Variants in MAGT1 observed in about 807,000 individuals in gnomAD.
MAGT1 encodes the protein dolichyl-diphosphooligosaccharide--protein glycosyltransferase subunit MAGT1.
Under a neutral mutation model 28.4 loss-of-function variants are expected in MAGT1, and 4 were observed. The observed-to-expected ratio is 0.14, with a 90% confidence interval of 0.07 to 0.32. The LOEUF is 0.32. Among genes scored for constraint, MAGT1 ranks in the 10% least tolerant of loss-of-function variants. The pLI is 1.00. For synonymous variants in MAGT1, 89 were observed against 89.7 expected, an observed-to-expected ratio of 0.99 and a Z score of 0.04; for missense variants, 193 against 264.5, an observed-to-expected ratio of 0.73 and a Z score of 1.88.
rs781917135 is a variant in MAGT1, at chrX:77,829,192, C to T, written c.*28G>A. On this transcript the variant is annotated 3_prime_UTR_variant, in exon 10 of 10. Transcript: ENST00000618282. ...TTTTCGTTTTTCAATTTCCAGTACT[C>T]CAGTGTCTATATATCTCTGGGACCT... 8.5e-6 allele frequency: 10 copies of T among 1,182,222 alleles called. No individual in the cohort carries two copies. Among genetic ancestry groups the T allele is most frequent in the South Asian group, 7.2e-5 (4 of 55,811 alleles).
At chrX:77,874,295 T>TA (rs1339498262) in intron 2 of MAGT1, among the ~76,000 whole-genome samples, 141 of 95,392 alleles carry the variant, frequency 1.5e-3, no homozygotes, top group East Asian at 1.8e-3. Flanking sequence ...ATCTTTTTTT[T>TA]AAAAAAAAAA....
At chrX:77,834,454 C>T (rs1363109536) in intron 8 of MAGT1, among the ~76,000 whole-genome samples, 1 of 107,817 alleles carries the variant, frequency 9.3e-6, no homozygotes, top group African/African-American at 3.4e-5. Flanking sequence ...CTGCCTCAGC[C>T]TCCCAAGTAG....
rs782459059 is a variant in MAGT1 at position 77,860,091 on chromosome X, T to C, written c.391-2594A>G. 5.4e-5 allele frequency among the ~76,000 whole-genome samples: 6 copies of C among 110,235 alleles called. No individual in the cohort carries two copies. The South Asian group carries it at 2.3e-3, about 42-fold the overall frequency. On this transcript the variant is annotated intron_variant, in intron 3 of 9. Coordinates refer to ENST00000618282, the MANE Select transcript of MAGT1 (RefSeq NM_001367916.1). ...AATTAGTTATCTGAAAACATCTTTG[T>C]TTTTTTTTCTTGAGAAGGAGTCTCA...
chrX:77,890,339 A>G (rs1025595634), intron 1 of MAGT1, among the ~76,000 whole-genome samples: 5 of 112,323 alleles, frequency 4.5e-5, no homozygotes, highest in Non-Finnish European at 9.4e-5. Context: ...TAACGGGCAG[A>G]TAATTACTGA....
At position 77,829,228 on chromosome X, in the gene MAGT1, T is replaced by C. The variant is rs1479559610; in HGVS notation, c.1000A>G (p.Met334Val). The C allele has an allele frequency of 8.4e-7, 1 of 1,197,601 alleles. No individual in the cohort carries two copies. Among genetic ancestry groups the C allele is most frequent in the East Asian group, 3.0e-5 (1 of 33,607 alleles). The change falls in exon 10 of 10, where the codon ATG becomes GTG. Residue 334 changes from methionine (M) to valine (V), a missense_variant. By Grantham distance (21) the Met-to-Val change is conservative. Transcript: ENST00000618282. The stretch of plus-strand genomic sequence containing the variant: ...ATATCTCTGGGACCTTTTTAACTCA[T>C]CAGAAAGCTGAAACAAAAATATATT... The part of the protein sequence containing the change: ...KYHGYPYSFL[M>V]S
intron 6 of MAGT1, 48 bp from the exon 7 acceptor site, chrX:77,854,012 G>A: frequency 1.0e-6 from 1 of 965,640 alleles, no homozygotes; most frequent in Non-Finnish European, 1.5e-6. Flanking sequence ...TACATTAAAT[G>A]TTGGTATGCT....
chrX:77,889,806 C>T (rs189239567), intron 1 of MAGT1, among the ~76,000 whole-genome samples: 85 of 112,141 alleles, frequency 7.6e-4, no homozygotes, highest in Non-Finnish European at 1.0e-3. Context: ...CTATTATACT[C>T]TTAATTTTTT....
intron 1 of MAGT1, among the ~76,000 whole-genome samples, chrX:77,882,183 C>G (rs1408782567): frequency 1.8e-5 from 2 of 111,860 alleles, no homozygotes; most frequent in Non-Finnish European, 3.8e-5. Context: ...AAACCCACAG[C>G]CAATATCATA....
At chrX:77,845,342 G>A (rs782520623) in intron 7 of MAGT1, among the ~76,000 whole-genome samples, 33 of 111,304 alleles carry the variant, frequency 3.0e-4, no homozygotes, top group Admixed American at 2.4e-3. Flanking sequence ...GTCTCTGCAC[G>A]TGAGATGGGT....
intron 8 of MAGT1, among the ~76,000 whole-genome samples, chrX:77,834,262 G>GTATA (rs34393902): frequency 1.2e-5 from 1 of 82,207 alleles, no homozygotes; most frequent in Non-Finnish European, 2.5e-5. Context: ...ATACATGTGT[G>GTATA]TATATATGCA....
At chrX:77,853,429 AAAG>A (rs1370285329) in intron 7 of MAGT1, among the ~76,000 whole-genome samples, 1 of 112,168 alleles carries the variant, frequency 8.9e-6, no homozygotes, top group East Asian at 2.8e-4. Context: ...ATAGAGCTTC[AAAG>A]AAGAAGTTTT....
chrX:77,873,507 TCCA>T, intron 2 of MAGT1, among the ~76,000 whole-genome samples: 1 of 112,538 alleles, frequency 8.9e-6, no homozygotes, highest in African/African-American at 3.2e-5. Flanking sequence ...TTTTTTAGTA[TCCA>T]CCATTTTGAA....
intron 7 of MAGT1, among the ~76,000 whole-genome samples, chrX:77,851,431 T>C (rs1459532151): frequency 9.2e-6 from 1 of 109,028 alleles, no homozygotes; most frequent in East Asian, 2.9e-4. Flanking sequence ...TGGAGTCCAG[T>C]GGTACCATCT....
chrX:77,834,232 A>ATGTATATATATGCATATATATACATGTG (rs2076907824), intron 8 of MAGT1, among the ~76,000 whole-genome samples: 1 of 86,488 alleles, frequency 1.2e-5, no homozygotes, highest in Non-Finnish European at 2.4e-5. Context: ...ATATGCATAT[A>ATGTATATATATGCATATATATACATGTG]TGTATATATA....
At chrX:77,868,573 G>T in intron 3 of MAGT1, 1 of 219,460 alleles carries the variant, frequency 4.6e-6, no homozygotes, top group South Asian at 5.2e-5. Context: ...GGAGGCAGAG[G>T]TTGCAGTGAG....
chrX:77,881,163 G>A (rs2077051151), intron 1 of MAGT1, among the ~76,000 whole-genome samples: 2 of 110,554 alleles, frequency 1.8e-5, no homozygotes, highest in Admixed American at 2.0e-4. Context: ...ATTTGATACC[G>A]TTTTAATGAT....
At position 77,849,645 on chromosome X, in the gene MAGT1, C is replaced by T. The variant is rs192561963; in HGVS notation, c.826+4256G>A. 4.5e-5 allele frequency among the ~76,000 whole-genome samples: 5 copies of T among 109,947 alleles called. No individual in the cohort carries two copies. The East Asian group carries it at 8.7e-4, about 19-fold the overall frequency. ...TTACACTTTGGGAGGCCGAGGCAGG[C>T]GGATCAGTTGAGCTCAGGAGTTCGA... On this transcript the variant is annotated intron_variant, in intron 7 of 9. Coordinates refer to ENST00000618282, the MANE Select transcript of MAGT1 (RefSeq NM_001367916.1).
At chrX:77,842,834 AAAG>A (rs1367308352) in intron 7 of MAGT1, among the ~76,000 whole-genome samples, 15 of 111,600 alleles carry the variant, frequency 1.3e-4, no homozygotes, top group Non-Finnish European at 3.8e-5. Context: ...CTCAAAAAAA[AAAG>A]AAAAAGAAAA....
intron 3 of MAGT1, among the ~76,000 whole-genome samples, chrX:77,864,109 G>A (rs782257465): frequency 9.0e-6 from 1 of 111,220 alleles, no homozygotes; most frequent in Admixed American, 9.7e-5. Flanking sequence ...AATATGGATG[G>A]AACTGGAAGT....
Sources: gnomAD v4.1 joint callset for allele counts (sites outside exome capture counted in the v4.1 genomes callset) on GRCh38, gnomAD v4.1.1 for gene constraint, MANE v1.5 for transcripts, NCBI Gene and HGNC (gene_info 2026-07-23, HGNC 2026-07-21) for gene names.